FAM221B: variants seen among roughly 807,000 people sequenced by gnomAD.
The protein encoded by FAM221B is family with sequence similarity 221 member B, also known as protein FAM221B.
FAM221B carries 35 observed loss-of-function variants against 39.8 expected under a neutral mutation model. The observed-to-expected ratio is 0.88, with a 90% CI of 0.67 to 1.17. FAM221B has a LOEUF of 1.17. Ranked by LOEUF, FAM221B falls within the 50% of genes most tolerant of loss-of-function variation. The pLI is 0.00. For synonymous variants in FAM221B, 158 were observed against 178.1 expected (o/e 0.89, Z 0.90); for missense variants, 479 against 503.1 (o/e 0.95, Z 0.46).
intron 3 of FAM221B, among the ~76,000 whole-genome samples, chr9:35,824,239 A>G: frequency 6.6e-6 from 1 of 152,240 alleles, no homozygotes; most frequent in East Asian, 1.9e-4. Context: ...GAAAGACCAG[A>G]ATCCTTATAG....
chr9:35,825,949 G>A lies in FAM221B; in HGVS notation c.213C>T (p.Ser71=), dbSNP rs1161540092. ...TGGAAGGCTCCTGATGGGTTTCAGG[G>A]GAATGGGCCTCTAAGGGGATCTGGG... ...SPSQIPLEAH[S]PETHQEPSIS... The change falls in exon 2 of 7, where the codon TCC becomes TCT. Residue 71 remains serine, a synonymous_variant. Transcript: ENST00000423537. The surrounding 1 kb of genome is among the most constrained non-coding windows in gnomAD (Gnocchi z 4.2). The A allele has an allele frequency of 1.2e-6, 2 of 1,614,094 alleles. No individual in the cohort carries two copies. The highest frequency in any genetic ancestry group is 1.6e-4 in the Middle Eastern group (1 of 6,062).
chr9:35,824,421 C>T (rs1202479163), intron 3 of FAM221B, among the ~76,000 whole-genome samples: 1 of 152,162 alleles, frequency 6.6e-6, no homozygotes, highest in East Asian at 1.9e-4. Context: ...TTGGAAACAG[C>T]AGGGCCAGAG....
At position 35,819,888 on chromosome 9, in the gene FAM221B, A is replaced by G. The variant is rs1469878130; in HGVS notation, c.853+2T>C. ...GAGAGGGGCTGGTCAGTTCTCCCCT[A>G]CCTGAGATGATCCGGTGCTCTCTCA... On this transcript the variant is annotated splice_donor_variant, in intron 4 of 6. Transcript: ENST00000423537. LOFTEE classifies it high-confidence loss of function. 6.2e-7 allele frequency: 1 copy of G among 1,606,472 alleles called. No homozygotes were observed. The highest frequency in any genetic ancestry group is 2.2e-5 in the East Asian group (1 of 44,832).
Position 35,828,671 on chromosome 9 carries a change from G to A in FAM221B, c.-209C>T. ...TGCAGAACTTCGCAAAGGAGCTCTGGCATGACCTGGGGAAGTGGGTAGGGA... is the reference window on the plus strand; with the variant it reads ...TGCAGAACTTCGCAAAGGAGCTCTGACATGACCTGGGGAAGTGGGTAGGGA... On this transcript the variant is annotated 5_prime_UTR_variant, in exon 1 of 7. Transcript: ENST00000423537. This position sits in a 1 kb window ranked among gnomAD's most constrained non-coding sequence, Gnocchi z 4.5. 1.0e-6 allele frequency: 1 copy of A among 985,534 alleles called. No individual in the cohort carries two copies. 61.0% of individuals were successfully genotyped at this position (985,534 alleles called of 1,614,324 possible). A position where few individuals can be genotyped will look rare whatever the true frequency, so the allele number is the denominator to read the frequency against.
intron 3 of FAM221B, among the ~76,000 whole-genome samples, chr9:35,823,543 T>C (rs904495466): frequency 6.6e-6 from 1 of 152,270 alleles, no homozygotes; most frequent in Admixed American, 6.5e-5. Context: ...CATGAATTTC[T>C]TTATAAAACT....
At chr9:35,822,326 C>G (rs1440884080) in intron 3 of FAM221B, among the ~76,000 whole-genome samples, 1 of 152,164 alleles carries the variant, frequency 6.6e-6, no homozygotes, top group African/African-American at 2.4e-5. Flanking sequence ...CAGGCATTTC[C>G]CTCTCTCTTA....
rs1221284375 is a variant in FAM221B, at chr9:35,819,244, CTG to C, written c.1002_1003del (p.His334GlnfsTer24). The C allele has an allele frequency of 6.4e-7, 1 of 1,551,754 alleles. No homozygotes were observed. Among genetic ancestry groups the C allele is most frequent in the Admixed American group, 2.0e-5 (1 of 51,016 alleles). ...CCCAGTGGCTGCATGTTCTTCGTGG[CTG>C]TGTTTGCAGCGACATTGGGCCCTCC... On this transcript the variant is annotated frameshift_variant, in exon 5 of 7. Transcript: ENST00000423537. LOFTEE classifies it high-confidence loss of function.
intron 6 of FAM221B, among the ~76,000 whole-genome samples, 183 bp from the exon 7 acceptor site, chr9:35,818,689 C>T (rs1447135557): frequency 6.6e-6 from 1 of 152,174 alleles, no homozygotes; most frequent in Non-Finnish European, 1.5e-5. Context: ...CGGAGCACAG[C>T]CATCTCTGCA....
chr9:35,826,786 AC>A (rs1299386116), intron 1 of FAM221B: 1 of 152,340 alleles, frequency 6.6e-6, no homozygotes, highest in Non-Finnish European at 1.5e-5. Flanking sequence ...TCACACTCAT[AC>A]CCACCTGCCT....
At chr9:35,818,748 A>T in intron 6 of FAM221B, 142 bp downstream of exon 6, 1 of 1,162,964 alleles carries the variant, frequency 8.6e-7, no homozygotes, top group Non-Finnish European at 1.2e-6. Flanking sequence ...CAGATGTGGG[A>T]TGCAGGTAGG....
rs1206298337 is a variant in FAM221B at position 35,818,233 on chromosome 9, C to A, written c.*236G>T. 4 of 563,272 alleles carry A rather than the reference C, an allele frequency of 7.1e-6. No homozygotes were observed. The highest frequency in any genetic ancestry group is 9.6e-6 in the Non-Finnish European group (3 of 313,120). The allele number at this position is 563,272 out of a possible 1,614,324, so 34.9% of individuals were successfully genotyped here. A position where few individuals can be genotyped will look rare whatever the true frequency, so the allele number is the denominator to read the frequency against. On this transcript the variant is annotated 3_prime_UTR_variant, in exon 7 of 7. Transcript: ENST00000423537. ...ACTGCATCTAACATCACTTCCCACT[C>A]TATCCTTCTTGAAACTTCCTCCCTT... is the stretch of plus-strand genomic sequence containing the variant.
intron 3 of FAM221B, chr9:35,821,544 G>A: frequency 7.3e-7 from 1 of 1,367,874 alleles, no homozygotes; most frequent in Non-Finnish European, 9.8e-7. Flanking sequence ...ACACCAGGGA[G>A]GCTTTGTTGA....
In FAM221B at chr9:35,825,154, T is replaced by G. The variant is rs141256929; in HGVS notation, c.742+76A>C. 490 of 1,555,248 alleles carry G rather than the reference T, an allele frequency of 3.2e-4. 1 individual carries two copies. In the African/African-American group the frequency reaches 5.9e-3, roughly 19 times the overall value. ...AAAGGGGAAGCTATCTGCTGAATGT[T>G]CAGGTTCCCAGATCTTTTGGATTAG... On this transcript the variant is annotated intron_variant, in intron 3 of 6. Transcript: ENST00000423537. The surrounding 1 kb of genome is among the most constrained non-coding windows in gnomAD (Gnocchi z 4.2).
intron 5 of FAM221B, 21 bp from the exon 6 acceptor site, chr9:35,819,030 A>T: frequency 6.4e-7 from 1 of 1,551,590 alleles, no homozygotes; most frequent in Non-Finnish European, 8.7e-7. Flanking sequence ...AGTGCAGCCA[A>T]GAAGAGTTTA....
In FAM221B at chr9:35,816,826, T is replaced by C. The variant is rs1169710669; in HGVS notation, c.*1643A>G. Reference sequence around the variant, plus strand: ...TCCTAGCAGTCCAGATTGCATTCCTTCCCTTGGAGGAACAGATGGCCCCCC... The same window carrying C: ...TCCTAGCAGTCCAGATTGCATTCCTCCCCTTGGAGGAACAGATGGCCCCCC... On this transcript the variant is annotated 3_prime_UTR_variant, in exon 7 of 7. Coordinates refer to ENST00000423537, the MANE Select transcript of FAM221B (RefSeq NM_001012446.4). 1 of 152,186 alleles carries C rather than the reference T, an allele frequency of 6.6e-6. No individual in the cohort carries two copies. Among genetic ancestry groups the C allele is most frequent in the African/African-American group, 2.4e-5 (1 of 41,428 alleles). 9.4% of individuals were successfully genotyped at this position (152,186 alleles called of 1,614,324 possible).
chr9:35,828,062 C>T lies in FAM221B; in HGVS notation c.-1+401G>A, dbSNP rs148971700. Among the ~76,000 whole-genome samples, 3 of 151,988 alleles carry T rather than the reference C, an allele frequency of 2.0e-5. No individual in the cohort carries two copies. The highest frequency in any genetic ancestry group is 2.9e-5 in the Non-Finnish European group (2 of 67,984). ...AATCCCAGAATTTGGGAGGCCAAGG[C>T]GGGTGGATCACTTGAGGTCAGGAGT... On this transcript the variant is annotated intron_variant, in intron 1 of 6. Transcript: ENST00000423537. The surrounding 1 kb of genome is among the most constrained non-coding windows in gnomAD (Gnocchi z 4.5).
intron 1 of FAM221B, among the ~76,000 whole-genome samples, chr9:35,826,472 GAAC>G (rs1032508888): frequency 9.8e-5 from 15 of 152,310 alleles, no homozygotes; most frequent in Middle Eastern, 3.4e-3. Flanking sequence ...GAGGGAGTCT[GAAC>G]AACACCACTT....
At position 35,818,447 on chromosome 9, in the gene FAM221B, TTATTG is replaced by T. The variant is rs1829060598; in HGVS notation, c.*17_*21del. 7 of 1,551,402 alleles carry T rather than the reference TTATTG, an allele frequency of 4.5e-6. No individual in the cohort carries two copies. The African/African-American group carries it at 9.6e-5, about 21-fold the overall frequency. On this transcript the variant is annotated 3_prime_UTR_variant, in exon 7 of 7. Transcript: ENST00000423537. ...AAGTCAGGTTCCAATGACTCCTCTT[TTATTG>T]CTGATCTGGGCCAGACTCACAAAGG...
rs1829027452 is a variant in FAM221B, at chr9:35,816,614, T to G, written c.*1855A>C. The G allele has an allele frequency of 6.6e-6, 1 of 152,250 alleles. No homozygotes were observed. The highest frequency in any genetic ancestry group is 1.5e-5 in the Non-Finnish European group (1 of 68,046). The allele number at this position is 152,250 out of a possible 1,614,324, so 9.4% of individuals were successfully genotyped here. On this transcript the variant is annotated 3_prime_UTR_variant, in exon 7 of 7. Transcript: ENST00000423537. ...TCCTTCAATGAGTTTATCATAGTAA[T>G]CCTAACTCTATTGTTGACTATTAGT...
Sources: gnomAD v4.1 joint callset for allele counts (sites outside exome capture counted in the v4.1 genomes callset) on GRCh38, gnomAD v4.1.1 for gene constraint, Gnocchi (gnomAD v3.1) non-coding constraint, MANE v1.5 for transcripts, NCBI Gene and HGNC (gene_info 2026-07-23, HGNC 2026-07-21) for gene names.